PDE4B: variants seen among roughly 807,000 people sequenced by gnomAD.
The protein encoded by PDE4B is 3',5'-cyclic-AMP phosphodiesterase 4B.
Under a neutral mutation model 82.2 loss-of-function variants are expected in PDE4B, and 20 were observed. The ratio of observed to expected loss-of-function variants is 0.24; its 90% confidence interval spans 0.17 to 0.35. The LOEUF (loss-of-function observed/expected upper bound fraction) is 0.35. Ranked by LOEUF, PDE4B falls within the 10% of genes least tolerant of loss-of-function variation. The pLI, the probability that PDE4B is intolerant of heterozygous loss-of-function variation, is 1.00. For synonymous variants in PDE4B, 320 were observed against 318.9 expected, an observed-to-expected ratio of 1.00 and a Z score of -0.04; for missense variants, 655 against 907.2, an observed-to-expected ratio of 0.72 and a Z score of 3.57.
chr1:66,050,928 C>G (rs1025394675), intron 3 of PDE4B, among the ~76,000 whole-genome samples: 1 of 152,052 alleles, frequency 6.6e-6, no homozygotes, highest in Non-Finnish European at 1.5e-5. Context: ...AGAAACTACA[C>G]AGGAAGGACT....
chr1:65,973,719 A>G (rs1194998987), intron 3 of PDE4B, among the ~76,000 whole-genome samples: 2 of 152,212 alleles, frequency 1.3e-5, no homozygotes, highest in Non-Finnish European at 2.9e-5. Flanking sequence ...AGAGACAGAC[A>G]CATTCATACA....
chr1:66,096,994 G>C (rs956014354), intron 3 of PDE4B, among the ~76,000 whole-genome samples: 2 of 151,826 alleles, frequency 1.3e-5, no homozygotes, highest in Non-Finnish European at 2.9e-5. Flanking sequence ...ATTTATTTAT[G>C]TACTTCTCAG....
At chr1:66,214,038 A>G (rs1416243795) in intron 3 of PDE4B, among the ~76,000 whole-genome samples, 1 of 152,178 alleles carries the variant, frequency 6.6e-6, no homozygotes, top group Non-Finnish European at 1.5e-5. Context: ...ATATTTTTGT[A>G]TCAAAAAGAT....
In PDE4B at chr1:66,087,567, A is replaced by C. The variant is rs548679301; in HGVS notation, c.282-159893A>C. Among the ~76,000 whole-genome samples, 31 of 152,002 alleles carry C rather than the reference A, an allele frequency of 2.0e-4. No homozygotes were observed. In the South Asian group the frequency reaches 4.2e-3, roughly 20 times the overall value. On this transcript the variant is annotated intron_variant, in intron 3 of 16. Transcript: ENST00000341517. ...TGGTGTTTTAGACATGAAGTCCTTG[A>C]CCATGCCTATGTCCTGAATGGTAAT... is the stretch of plus-strand genomic sequence containing the variant.
intron 2 of PDE4B, among the ~76,000 whole-genome samples, chr1:65,918,100 G>A (rs1050938197): frequency 6.6e-6 from 1 of 152,130 alleles, no homozygotes; most frequent in Non-Finnish European, 1.5e-5. Context: ...GGAGGAAGTG[G>A]TTGCAGTGAG....
Position 66,064,651 on chromosome 1 carries a change from A to G in PDE4B, c.281+145816A>G, listed in dbSNP as rs550301246. ...TCAGGGCTGTTTTCCTGGACTCTGAAGTCTAATGTTTCCTGATACCTCTAT... is the reference window on the plus strand; with the variant it reads ...TCAGGGCTGTTTTCCTGGACTCTGAGGTCTAATGTTTCCTGATACCTCTAT... On this transcript the variant is annotated intron_variant, in intron 3 of 16. Coordinates refer to ENST00000341517, the MANE Select transcript of PDE4B (RefSeq NM_002600.4). Among the ~76,000 whole-genome samples the G allele has an allele frequency of 9.2e-5, 14 of 152,028 alleles. No homozygotes were observed. In the South Asian group the frequency reaches 2.9e-3, roughly 32 times the overall value.
chr1:65,917,279 C>T (rs11208770), intron 2 of PDE4B, among the ~76,000 whole-genome samples: 1,710 of 152,104 alleles, frequency 0.011, 35 homozygotes, highest in African/African-American at 0.038. Context: ...GGTAGAGGAG[C>T]GGAGGGTAAA....
intron 7 of PDE4B, among the ~76,000 whole-genome samples, chr1:66,278,711 G>T (rs905152280): frequency 4.6e-5 from 7 of 152,192 alleles, no homozygotes; most frequent in Non-Finnish European, 1.0e-4. Flanking sequence ...TGTAAGCTCG[G>T]AAGTCTTTTA....
chr1:66,034,336 T>A (rs1653955362), intron 3 of PDE4B, among the ~76,000 whole-genome samples: 1 of 152,198 alleles, frequency 6.6e-6, no homozygotes, highest in South Asian at 2.1e-4. Flanking sequence ...CAGGAGAGGT[T>A]TTTTGCTATG....
At chr1:65,889,745 C>G (rs1646833074) in intron 1 of PDE4B, among the ~76,000 whole-genome samples, 1 of 152,220 alleles carries the variant, frequency 6.6e-6, no homozygotes, top group South Asian at 2.1e-4. Flanking sequence ...AGAACAGATG[C>G]ACTGGCAATG....
chr1:66,215,531 T>C (rs1402145837), intron 3 of PDE4B, among the ~76,000 whole-genome samples: 1 of 152,146 alleles, frequency 6.6e-6, no homozygotes, highest in Non-Finnish European at 1.5e-5. Context: ...AAGCTGGCCA[T>C]GTTACTGCTG....
chr1:65,944,825 T>C (rs1648623259), intron 3 of PDE4B, among the ~76,000 whole-genome samples: 1 of 151,926 alleles, frequency 6.6e-6, no homozygotes, highest in East Asian at 1.9e-4. Flanking sequence ...ATGAATCTAG[T>C]AGTCCTGGTT....
In PDE4B at chr1:66,129,696, AC is replaced by A. The variant is rs58608960; in HGVS notation, c.282-117763del. Among the ~76,000 whole-genome samples, 199 of 73,666 alleles carry A rather than the reference AC, an allele frequency of 2.7e-3. 5 individuals are homozygous for A. The highest frequency in any genetic ancestry group is 0.01 in the African/African-American group (187 of 18,186). 48.3% of individuals were successfully genotyped at this position (73,666 alleles called of 152,430 possible). On this transcript the variant is annotated intron_variant, in intron 3 of 16. Coordinates refer to ENST00000341517, the MANE Select transcript of PDE4B (RefSeq NM_002600.4). ...AACAAAAAAACAAAAAAACAAAAAA[AC>A]AAAAAAAAAAACCTCTCTGTAAAAT...
Position 66,090,596 on chromosome 1 carries a change from T to TTA in PDE4B, c.282-156852_282-156851dup, listed in dbSNP as rs1301944365. 8.8e-4 allele frequency among the ~76,000 whole-genome samples: 76 copies of TTA among 86,726 alleles called. 3 individuals are homozygous for TTA. The East Asian group carries it at 0.019, about 22-fold the overall frequency. 56.9% of individuals were successfully genotyped at this position (86,726 alleles called of 152,430 possible). A position where few individuals can be genotyped will look rare whatever the true frequency, so the allele number is the denominator to read the frequency against. ...CTCCCCGAGGTCTTAGATGACAAAA[T>TTA]TATATATATATATGTATATAATATA... On this transcript the variant is annotated intron_variant, in intron 3 of 16. Transcript: ENST00000341517.
In PDE4B at chr1:66,363,184, A is replaced by G; in HGVS notation, c.1037A>G (p.Asn346Ser). ...DHLAKELEDL[N>S]KWGLNIFNVA... ...TAATTATAGGAGCTGGAAGACCTGA[A>G]CAAATGGGGTCTTAACATCTTTAAT... is the stretch of plus-strand genomic sequence containing the variant. The change falls in exon 11 of 17, where the codon AAC (asparagine) becomes AGC (serine). Residue 346 changes from asparagine (N) to serine (S), a missense_variant. By Grantham distance (46) the Asn-to-Ser change is conservative. This residue lies in a region of PDE4B where 283 missense variants were observed against 516.4 expected (regional missense o/e 0.55). Transcript: ENST00000341517. 1 of 1,610,392 alleles carries G rather than the reference A, an allele frequency of 6.2e-7. No individual in the cohort carries two copies. The highest frequency in any genetic ancestry group is 8.5e-7 in the Non-Finnish European group (1 of 1,176,904).
At chr1:66,148,352 T>C (rs1646316679) in intron 3 of PDE4B, among the ~76,000 whole-genome samples, 1 of 152,082 alleles carries the variant, frequency 6.6e-6, no homozygotes, top group African/African-American at 2.4e-5. Context: ...CCCCAAGGAA[T>C]TTTCTATGAT....
At chr1:66,127,907 C>A (rs901409790) in intron 3 of PDE4B, among the ~76,000 whole-genome samples, 2 of 152,040 alleles carry the variant, frequency 1.3e-5, no homozygotes, top group African/African-American at 4.8e-5. Flanking sequence ...TTATTTTAGT[C>A]AGCTTGTGAC....
At chr1:65,958,001 T>C (rs1413672201) in intron 3 of PDE4B, among the ~76,000 whole-genome samples, 6 of 152,104 alleles carry the variant, frequency 3.9e-5, no homozygotes, top group Admixed American at 2.6e-4. Flanking sequence ...TTTAATTTTT[T>C]TCTTGTAATT....
At chr1:65,919,243 TTTA>T (rs1177805336) in intron 3 of PDE4B, among the ~76,000 whole-genome samples, 1 of 152,244 alleles carries the variant, frequency 6.6e-6, no homozygotes, top group Non-Finnish European at 1.5e-5. Context: ...CTAGCTTCTA[TTTA>T]TTATCATCCT....
Sources: gnomAD v4.1 joint callset for allele counts (sites outside exome capture counted in the v4.1 genomes callset) on GRCh38, gnomAD v4.1.1 for gene constraint, gnomAD v4.1.1 regional missense constraint, MANE v1.5 for transcripts, NCBI Gene and HGNC (gene_info 2026-07-23, HGNC 2026-07-21) for gene names.